Variants in NEB observed in about 807,000 individuals in gnomAD.
NEB encodes nemaline myopathy type 2.
In NEB, 512 loss-of-function variants were observed where a neutral mutation model predicts 952.2. The ratio of observed to expected loss-of-function variants is 0.54; its 90% CI spans 0.50 to 0.58. The LOEUF is 0.58. Ranked by LOEUF, NEB falls within the 20% of genes least tolerant of loss-of-function variation. The probability of loss-of-function intolerance (pLI) is 0.00; values close to 1 mark genes in which losing one functional copy is unlikely to be tolerated. For synonymous variants in NEB, 2,900 were observed against 3,149.8 expected (o/e 0.92, Z 2.66); for missense variants, 8,428 against 9,231.1 (o/e 0.91, Z 3.56).
At chr2:151,485,990 A>T in intron 181 of NEB, 57 bp from the exon 182 acceptor site, 1 of 1,539,562 alleles carries the variant, frequency 6.5e-7, no homozygotes, top group Non-Finnish European at 8.9e-7. Context: ...AACAGTTAAC[A>T]CACATCTATT....
rs759922920 is a variant in NEB at position 151,570,386 on chromosome 2, A to G, written c.17125T>C (p.Tyr5709His). 6.3e-7 allele frequency: 1 copy of G among 1,576,412 alleles called. No homozygotes were observed. The highest frequency in any genetic ancestry group is 1.8e-5 in the Admixed American group (1 of 54,658). The change falls in exon 109 of 182, where the codon TAT becomes CAT. Residue 5709 changes from tyrosine (Y) to histidine (H), a missense_variant. Physicochemically the swap from Tyr to His is moderately conservative, Grantham distance 83. Coordinates refer to ENST00000397345, the MANE Select transcript of NEB (RefSeq NM_001164508.2). ...TTCTGCTTCTCATGGTCAAGCTTAT[A>G]TTTATACTGGAGATGCAAAAATAAA... ...ASREIASDYKYKLDHEKQKGH... is the reference protein window; with the variant it reads ...ASREIASDYKHKLDHEKQKGH...
intron 134 of NEB, 90 bp downstream of exon 134, chr2:151,546,255 T>C: frequency 9.8e-7 from 1 of 1,024,880 alleles, no homozygotes. Context: ...AGCTGCAGGC[T>C]AAGATCCCTT....
chr2:151,717,770 G>A (rs4413159), intron 9 of NEB, among the ~76,000 whole-genome samples: 103,292 of 151,564 alleles, frequency 0.68, 38,689 homozygotes, highest in Non-Finnish European at 0.83. Flanking sequence ...CTTAACCAGC[G>A]TCTTCAACTC....
intron 28 of NEB, 52 bp downstream of exon 28, chr2:151,684,726 T>C: frequency 6.9e-7 from 1 of 1,447,474 alleles, no homozygotes; most frequent in Non-Finnish European, 9.2e-7. Flanking sequence ...TCAAAGTCCA[T>C]TTCAGTTTCC....
chr2:151,558,467 T>C (rs1026549113), intron 124 of NEB, among the ~76,000 whole-genome samples: 11 of 151,982 alleles, frequency 7.2e-5, no homozygotes, highest in Middle Eastern at 3.2e-3. Context: ...TTCAATGCTA[T>C]CCCCATCAAG....
chr2:151,525,256 C>T lies in NEB; in HGVS notation c.22179G>A (p.Lys7393=), dbSNP rs1296105706. 6.2e-7 allele frequency: 1 copy of T among 1,612,608 alleles called. No individual in the cohort carries two copies. The highest frequency in any genetic ancestry group is 8.5e-7 in the Non-Finnish European group (1 of 1,178,704). ...KHVSDTNYKK[K]FVKEKGKSNY... ...TGGATTTTCCTTTCTCCTTGACAAA[C>T]TTCTTTTTGTAATTTGTCTAAATAG... Residue 7393 remains lysine, a synonymous_variant, in exon 151 of 182, where the codon AAG becomes AAA. Transcript: ENST00000397345.
chr2:151,546,012 A>AC lies in NEB; in HGVS notation c.20467-15_20467-14insG, dbSNP rs1553709314. 7.1e-7 allele frequency: 1 copy of AC among 1,414,882 alleles called. No individual in the cohort carries two copies. The highest frequency in any genetic ancestry group is 9.8e-7 in the Non-Finnish European group (1 of 1,025,402). 87.6% of individuals were successfully genotyped at this position (1,414,882 alleles called of 1,614,324 possible). On this transcript the variant is annotated splice_polypyrimidine_tract_variant and intron_variant, in intron 134 of 181. Transcript: ENST00000397345. ...TAGGTAATTAGACTTAAAAAAAAAA[A>AC]AAAAAACAGAAATACAAGTTGATTA...
rs1575502637 is a variant in NEB at position 151,507,768 on chromosome 2, T to C, written c.23451+237A>G. On this transcript the variant is annotated intron_variant, in intron 162 of 181. Coordinates refer to ENST00000397345, the MANE Select transcript of NEB (RefSeq NM_001164508.2). ...AACCTTGCCATGGGTGAGGAAAAGA[T>C]ACTATATTTTCTCCCCAATACCACC... 2.1e-5 allele frequency: 10 copies of C among 475,554 alleles called. No individual in the cohort carries two copies. In the East Asian group the frequency reaches 3.2e-4, roughly 15 times the overall value. The allele number at this position is 475,554 out of a possible 1,614,324, so 29.5% of individuals were successfully genotyped here. A position where few individuals can be genotyped will look rare whatever the true frequency, so the allele number is the denominator to read the frequency against.
intron 12 of NEB, among the ~76,000 whole-genome samples, chr2:151,709,158 G>GT (rs1332514762): frequency 6.6e-6 from 1 of 152,180 alleles, no homozygotes; most frequent in African/African-American, 2.4e-5. Flanking sequence ...CTGCGACCAG[G>GT]TTTTTTCATA....
chr2:151,523,800 T>A (rs926423458), intron 153 of NEB, among the ~76,000 whole-genome samples: 1 of 152,218 alleles, frequency 6.6e-6, no homozygotes, highest in Non-Finnish European at 1.5e-5. Context: ...CAAACAAAAT[T>A]TTAATGATTT....
intron 151 of NEB, 135 bp from the exon 152 acceptor site, chr2:151,524,751 C>T: frequency 1.4e-6 from 1 of 695,532 alleles, no homozygotes; most frequent in Non-Finnish European, 2.3e-6. Flanking sequence ...ACTGCAACTT[C>T]TGTCTCCCGG....
At chr2:151,705,982 G>A (rs567862993) in intron 13 of NEB, among the ~76,000 whole-genome samples, 81 of 152,330 alleles carry the variant, frequency 5.3e-4, no homozygotes, top group Non-Finnish European at 1.0e-3. Context: ...TACACTGTAG[G>A]TGATGGGTGC....
chr2:151,507,589 A>G (rs1398872932), intron 162 of NEB: 1 of 200,768 alleles, frequency 5.0e-6, no homozygotes, highest in Non-Finnish European at 1.0e-5. Context: ...CCATTGGATC[A>G]TACCCCTCTT....
At chr2:151,613,880 A>C (rs1239779512) in intron 77 of NEB, among the ~76,000 whole-genome samples, 1 of 152,226 alleles carries the variant, frequency 6.6e-6, no homozygotes, top group Non-Finnish European at 1.5e-5. Context: ...AGCCCATGGA[A>C]ATGTAAGTCA....
chr2:151,625,486 G>T, intron 71 of NEB, 48 bp downstream of exon 71: 1 of 1,369,218 alleles, frequency 7.3e-7, no homozygotes. Flanking sequence ...TCCTACATCG[G>T]CAACAATCAA....
At chr2:151,705,658 T>C (rs1342875436) in intron 13 of NEB, among the ~76,000 whole-genome samples, 1 of 152,066 alleles carries the variant, frequency 6.6e-6, no homozygotes, top group Non-Finnish European at 1.5e-5. Context: ...ATTGCAAAGA[T>C]GTGGAACCAA....
At chr2:151,733,274 G>T in intron 2 of NEB, 89 bp from the exon 3 acceptor site, 1 of 961,264 alleles carries the variant, frequency 1.0e-6, no homozygotes, top group Non-Finnish European at 1.6e-6. Flanking sequence ...AGAATTTGAA[G>T]CTAAACTATT....
Position 151,656,439 on chromosome 2 carries a change from T to G in NEB, c.6209A>C (p.Lys2070Thr). Reference protein sequence around the residue: ...SDYKYKYNYEKGKGKMVGFRS... With the variant: ...SDYKYKYNYETGKGKMVGFRS... ...GAAACCAACCATTTTCCCCTTCCCT[T>G]TTTCATAATTGTACTTGTATTTATA... is the stretch of plus-strand genomic sequence containing the variant. The change falls in exon 49 of 182, where the codon AAA (lysine) becomes ACA (threonine). Residue 2070 changes from lysine (K) to threonine (T), a missense_variant. This residue lies in a region of NEB where 2,851 missense variants were observed against 2,791.5 expected (regional missense o/e 1.02). Coordinates refer to ENST00000397345, the MANE Select transcript of NEB (RefSeq NM_001164508.2). 6.2e-7 allele frequency: 1 copy of G among 1,612,256 alleles called. No homozygotes were observed. The highest frequency in any genetic ancestry group is 8.5e-7 in the Non-Finnish European group (1 of 1,178,788).
chr2:151,537,152 T>C lies in NEB; in HGVS notation c.21187A>G (p.Asn7063Asp). The C allele has an allele frequency of 1.9e-6, 3 of 1,612,350 alleles. No individual in the cohort carries two copies. Among genetic ancestry groups the C allele is most frequent in the Non-Finnish European group, 2.5e-6 (3 of 1,178,670 alleles). Reference sequence around the variant, plus strand: ...TATACCTTGCTGTAGAGAGTCTTGTTCTTTTCAGCCAGAGTGAAATCAGGG... The same window carrying C: ...TATACCTTGCTGTAGAGAGTCTTGTCCTTTTCAGCCAGAGTGAAATCAGGG... ...DTPDFTLAEK[N>D]KTLYSKYKYK... Residue 7063 changes from asparagine to aspartate, a missense_variant, in exon 141 of 182, where the codon AAC (asparagine) becomes GAC (aspartate). By Grantham distance (23) the Asn-to-Asp change is conservative. Around this residue, in one of 11 missense-constraint regions of NEB, gnomAD observed 3,374 missense variants for 3,651.5 expected, o/e 0.92. Coordinates refer to ENST00000397345, the MANE Select transcript of NEB (RefSeq NM_001164508.2).
Sources: gnomAD v4.1 joint callset for allele counts (sites outside exome capture counted in the v4.1 genomes callset) on GRCh38, gnomAD v4.1.1 for gene constraint, gnomAD v4.1.1 regional missense constraint, MANE v1.5 for transcripts, NCBI Gene and HGNC (gene_info 2026-07-23, HGNC 2026-07-21) for gene names.